Variants in SPATA13 observed in about 807,000 individuals in gnomAD.
SPATA13 encodes the protein spermatogenesis associated 13.
A neutral mutation model predicts 104.0 loss-of-function variants in SPATA13; 50 were observed. The ratio of observed to expected loss-of-function variants is 0.48; its 90% CI spans 0.38 to 0.61. SPATA13 has a LOEUF of 0.61. SPATA13 is among the 20% of genes least tolerant of loss of function. The pLI, the probability that SPATA13 is intolerant of heterozygous loss-of-function variation, is 0.00. For missense variants in SPATA13, 1,524 were observed against 1,690.6 expected, an observed-to-expected ratio of 0.90 and a Z score of 1.73; for synonymous variants, 606 against 667.5, an observed-to-expected ratio of 0.91 and a Z score of 1.42.
At chr13:23,993,747 T>A (rs549646620) in intron 2 of SPATA13, among the ~76,000 whole-genome samples, 1 of 152,286 alleles carries the variant, frequency 6.6e-6, no homozygotes, top group East Asian at 1.9e-4. Context: ...TTTAAGGGGA[T>A]CTCTAGGTAC....
intron 9 of SPATA13, among the ~76,000 whole-genome samples, chr13:24,293,022 AGGCG>A (rs1876510393): frequency 8.9e-5 from 12 of 134,814 alleles, no homozygotes; most frequent in Non-Finnish European, 1.3e-4. Context: ...AAAAAAAAAA[AGGCG>A]AGGGTGTGGG....
intron 2 of SPATA13, among the ~76,000 whole-genome samples, chr13:24,017,436 T>C (rs1876768656): frequency 6.6e-6 from 1 of 152,174 alleles, no homozygotes; most frequent in Non-Finnish European, 1.5e-5. Context: ...GGGCAGAGCT[T>C]TTCTCCATGC....
chr13:24,122,364 G>A, intron 3 of SPATA13: 1 of 1,556,272 alleles, frequency 6.4e-7, no homozygotes, highest in Non-Finnish European at 8.9e-7. Flanking sequence ...CATCAACAGG[G>A]TTATCTTCAT....
At chr13:24,074,235 C>T (rs773912755) in intron 3 of SPATA13, among the ~76,000 whole-genome samples, 16 of 152,214 alleles carry the variant, frequency 1.1e-4, no homozygotes, top group South Asian at 2.1e-4. Flanking sequence ...AATTTGCCTA[C>T]TCTAGGTACC....
chr13:24,043,144 G>A (rs9511013), intron 3 of SPATA13, among the ~76,000 whole-genome samples: 72,622 of 151,620 alleles, frequency 0.48, 19,141 homozygotes, highest in East Asian at 0.64. Context: ...CATCAGCAGC[G>A]GGTGGCCTCG....
At chr13:24,001,230 G>A (rs1566067666) in intron 2 of SPATA13, among the ~76,000 whole-genome samples, 1 of 152,152 alleles carries the variant, frequency 6.6e-6, no homozygotes, top group Non-Finnish European at 1.5e-5. Context: ...AGAACACGGG[G>A]GAAAGTAACA....
intron 3 of SPATA13, among the ~76,000 whole-genome samples, chr13:24,139,893 C>T (rs553290509): frequency 1.3e-5 from 2 of 152,228 alleles, no homozygotes; most frequent in East Asian, 1.9e-4. Context: ...TGGTGAAACC[C>T]TGTCTCTACT....
At chr13:24,219,375 T>C (rs1196176063) in intron 1 of SPATA13, among the ~76,000 whole-genome samples, 1 of 152,208 alleles carries the variant, frequency 6.6e-6, no homozygotes, top group African/African-American at 2.4e-5. Flanking sequence ...TTGTCCCAAT[T>C]AGAAACCCCA....
chr13:24,186,160 A>G (rs1593393032), intron 1 of SPATA13, among the ~76,000 whole-genome samples: 1 of 152,202 alleles, frequency 6.6e-6, no homozygotes, highest in African/African-American at 2.4e-5. Context: ...GACACATAAG[A>G]TGAACCATCA....
chr13:24,010,985 T>G (rs1323058602), intron 2 of SPATA13, among the ~76,000 whole-genome samples: 2 of 152,038 alleles, frequency 1.3e-5, no homozygotes, highest in Non-Finnish European at 2.9e-5. Flanking sequence ...CCTAGAGGAA[T>G]GTTCCCTCTC....
chr13:24,149,014 G>A (rs559029732), intron 3 of SPATA13, among the ~76,000 whole-genome samples: 14 of 152,274 alleles, frequency 9.2e-5, no homozygotes, highest in South Asian at 6.2e-4. Context: ...TGTAGGCTCC[G>A]TCCACAAACA....
chr13:24,287,034 C>T, intron 7 of SPATA13, 84 bp downstream of exon 7: 1 of 1,223,030 alleles, frequency 8.2e-7, no homozygotes, highest in Non-Finnish European at 1.1e-6. Flanking sequence ...CCTCCACCCC[C>T]CGCCCCCCCA....
intron 3 of SPATA13, among the ~76,000 whole-genome samples, chr13:24,154,914 A>G (rs2138475364): frequency 6.6e-6 from 1 of 152,270 alleles, no homozygotes; most frequent in South Asian, 2.1e-4. Context: ...CTGGAGTGCA[A>G]TAGCATGATC....
At chr13:24,001,833 T>C (rs9553135) in intron 2 of SPATA13, among the ~76,000 whole-genome samples, 24,263 of 151,394 alleles carry the variant, frequency 0.16, 2,545 homozygotes, top group East Asian at 0.51. Flanking sequence ...AGGTGATCTG[T>C]GGGGAGAGGC....
Position 24,113,377 on chromosome 13 carries a change from T to C in SPATA13, c.-112+95676T>C, listed in dbSNP as rs1217556077. On this transcript the variant is annotated intron_variant, in intron 3 of 14. Transcript: ENST00000424834. The stretch of plus-strand genomic sequence containing the variant: ...CAGCACTTTGGGAGGCCAAGGCGGG[T>C]GGATCACTTGAGGTCAGGAGTTCAA... Among the ~76,000 whole-genome samples, 19 of 150,544 alleles carry C rather than the reference T, an allele frequency of 1.3e-4. No homozygotes were observed. In the East Asian group the frequency reaches 3.8e-3, roughly 30 times the overall value.
chr13:24,232,358 A>G (rs907147693), intron 2 of SPATA13, among the ~76,000 whole-genome samples: 2 of 139,368 alleles, frequency 1.4e-5, no homozygotes, highest in Non-Finnish European at 3.3e-5. Context: ...CTTGAGGGCA[A>G]GTCTTCTTTA....
chr13:24,128,674 G>A (rs1881297032), intron 3 of SPATA13, among the ~76,000 whole-genome samples: 1 of 151,158 alleles, frequency 6.6e-6, no homozygotes. Context: ...ACTCCCGGGA[G>A]CAAGAGAACC....
At chr13:24,015,048 G>A (rs1161307044) in intron 2 of SPATA13, among the ~76,000 whole-genome samples, 2 of 151,774 alleles carry the variant, frequency 1.3e-5, no homozygotes, top group African/African-American at 2.4e-5. Context: ...CCGCCACCAC[G>A]CCTGGCTAAT....
intron 2 of SPATA13, among the ~76,000 whole-genome samples, chr13:23,985,370 A>G (rs1336677375): frequency 2.0e-5 from 3 of 152,260 alleles, no homozygotes; most frequent in African/African-American, 7.2e-5. Flanking sequence ...TGGCCACCCC[A>G]GGAACGGCTG....
Sources: allele counts gnomAD v4.1 joint callset (sites outside exome capture counted in the v4.1 genomes callset), GRCh38; gene constraint gnomAD v4.1.1; transcripts MANE v1.5; gene names NCBI Gene and HGNC (gene_info 2026-07-23, HGNC 2026-07-21).